ADGRL2: variants seen among roughly 807,000 people sequenced by gnomAD.
The protein encoded by ADGRL2 is adhesion G protein-coupled receptor L2.
ADGRL2 carries 44 observed loss-of-function variants against 157.4 expected under a neutral mutation model. That is an observed-to-expected ratio of 0.28 (90% CI 0.22 to 0.36). ADGRL2 has a LOEUF of 0.36. Ranked by LOEUF, ADGRL2 falls within the 10% of genes least tolerant of loss-of-function variation. The pLI, the probability that ADGRL2 is intolerant of heterozygous loss-of-function variation, is 1.00. For synonymous variants in ADGRL2, 585 were observed against 624.7 expected (o/e 0.94, Z 0.95); for missense variants, 1,510 against 1,768.9 (o/e 0.85, Z 2.63).
At chr1:81,508,448 C>T (rs78957722) in intron 2 of ADGRL2, among the ~76,000 whole-genome samples, 1 of 152,182 alleles carries the variant, frequency 6.6e-6, no homozygotes, top group Non-Finnish European at 1.5e-5. Flanking sequence ...TATGGGTTCG[C>T]CAGTGTGCTC....
chr1:81,496,842 G>A (rs998768668), intron 2 of ADGRL2, among the ~76,000 whole-genome samples: 1 of 151,960 alleles, frequency 6.6e-6, no homozygotes, highest in Admixed American at 6.6e-5. Context: ...TAAATATAAT[G>A]AACTTTCAAA....
At chr1:81,311,450 A>G (rs111823502) in intron 1 of ADGRL2, among the ~76,000 whole-genome samples, 1 of 152,116 alleles carries the variant, frequency 6.6e-6, no homozygotes, top group Non-Finnish European at 1.5e-5. Context: ...TTGTATTCCC[A>G]GTAGTTTGTA....
At chr1:81,629,596 A>G (rs1479481065) in intron 3 of ADGRL2, among the ~76,000 whole-genome samples, 1 of 152,176 alleles carries the variant, frequency 6.6e-6, no homozygotes, top group Non-Finnish European at 1.5e-5. Flanking sequence ...TTTCCTTATC[A>G]AATAGAATAG....
chr1:81,331,405 T>C (rs1458959195), intron 1 of ADGRL2, among the ~76,000 whole-genome samples: 3 of 152,108 alleles, frequency 2.0e-5, no homozygotes, highest in Non-Finnish European at 4.4e-5. Context: ...TTTGGGACCA[T>C]GGCATCCAGG....
intron 2 of ADGRL2, among the ~76,000 whole-genome samples, chr1:81,887,930 A>T (rs1188001754): frequency 6.6e-6 from 1 of 152,200 alleles, no homozygotes; most frequent in East Asian, 1.9e-4. Flanking sequence ...AAAGATGAGT[A>T]TGATTTCATT....
chr1:81,776,798 A>C (rs1235261695), intron 2 of ADGRL2, among the ~76,000 whole-genome samples: 1 of 152,216 alleles, frequency 6.6e-6, no homozygotes, highest in African/African-American at 2.4e-5. Context: ...CTCCAATTCA[A>C]GCATTATCAC....
At chr1:81,696,782 T>C (rs2083455761), upstream of ADGRL2, among the ~76,000 whole-genome samples, 1 of 151,654 alleles carries the variant, frequency 6.6e-6, no homozygotes, top group Admixed American at 6.6e-5. Context: ...AAACAAAAAA[T>C]AGAGAGGAGT....
intron 3 of ADGRL2, among the ~76,000 whole-genome samples, chr1:81,608,301 A>G (rs953987926): frequency 6.6e-6 from 1 of 152,148 alleles, no homozygotes; most frequent in African/African-American, 2.4e-5. Context: ...ACCCAGCTGC[A>G]GATGCTCTCC....
intron 1 of ADGRL2, among the ~76,000 whole-genome samples, chr1:81,831,657 G>A (rs995837656): frequency 6.6e-6 from 1 of 152,040 alleles, no homozygotes; most frequent in African/African-American, 2.4e-5. Flanking sequence ...GCATGGAAGA[G>A]TAAGCACACT....
At chr1:81,915,624 T>C (rs760984564) in intron 3 of ADGRL2, among the ~76,000 whole-genome samples, 12 of 152,208 alleles carry the variant, frequency 7.9e-5, no homozygotes, top group Non-Finnish European at 1.8e-4. Context: ...AAAGATACTT[T>C]AAAAGTTTGA....
intron 2 of ADGRL2, among the ~76,000 whole-genome samples, chr1:81,560,485 G>A (rs940860331): frequency 3.3e-5 from 5 of 152,274 alleles, no homozygotes; most frequent in East Asian, 1.9e-4. Context: ...CACAGTCAGC[G>A]TCCAATAGGC....
intron 2 of ADGRL2, among the ~76,000 whole-genome samples, chr1:81,549,022 C>A (rs2080083812): frequency 6.6e-6 from 1 of 152,208 alleles, no homozygotes; most frequent in Admixed American, 6.5e-5. Context: ...TTGCTTTAGG[C>A]AACTTTCAAG....
At chr1:81,724,641 T>A (rs1197424804) in intron 1 of ADGRL2, among the ~76,000 whole-genome samples, 1 of 152,234 alleles carries the variant, frequency 6.6e-6, no homozygotes, top group Non-Finnish European at 1.5e-5. Context: ...CTGACATTGC[T>A]ATGTTTCTAA....
chr1:81,908,408 A>G (rs2094632865), intron 3 of ADGRL2, among the ~76,000 whole-genome samples: 8 of 152,082 alleles, frequency 5.3e-5, no homozygotes, highest in South Asian at 2.1e-4. Context: ...CATTTCCTCC[A>G]TATCTTTTGT....
intron 3 of ADGRL2, among the ~76,000 whole-genome samples, chr1:81,669,888 A>G (rs1160584022): frequency 6.8e-6 from 1 of 147,396 alleles, no homozygotes; most frequent in African/African-American, 2.5e-5. Context: ...GCTTGCAGTG[A>G]GTCGAGATCA....
chr1:81,854,334 A>G lies in ADGRL2; in HGVS notation c.73+17277A>G, dbSNP rs1171030011. 2.0e-5 allele frequency among the ~76,000 whole-genome samples: 3 copies of G among 152,100 alleles called. No homozygotes were observed. The East Asian group carries it at 5.8e-4, about 29-fold the overall frequency. On this transcript the variant is annotated intron_variant, in intron 2 of 23. Coordinates refer to ENST00000686636, the MANE Select transcript of ADGRL2 (RefSeq NM_001366006.2). ...ATTGACTTGGTCTCTGTTTTCTTTC[A>G]CTGACATACCCTGTAGTGAAATTAC...
chr1:81,689,257 A>G (rs879683307), intron 3 of ADGRL2, among the ~76,000 whole-genome samples: 12 of 152,210 alleles, frequency 7.9e-5, no homozygotes, highest in Admixed American at 7.9e-4. Context: ...AGGATATCGT[A>G]AATCTTTCCC....
At chr1:81,690,174 T>A (rs1362796065) in intron 3 of ADGRL2, among the ~76,000 whole-genome samples, 1 of 152,204 alleles carries the variant, frequency 6.6e-6, no homozygotes, top group Non-Finnish European at 1.5e-5. Flanking sequence ...TTCCCAGTAC[T>A]ATTTGTTCTT....
chr1:81,557,457 A>G (rs1187096782), intron 2 of ADGRL2: 3 of 47,782 alleles, frequency 6.3e-5, no homozygotes, highest in African/African-American at 2.3e-4. Flanking sequence ...GAGAGAAAGA[A>G]AGAAAGAAAG....
Sources: gnomAD v4.1 joint callset for allele counts (sites outside exome capture counted in the v4.1 genomes callset) on GRCh38, gnomAD v4.1.1 for gene constraint, MANE v1.5 for transcripts, NCBI Gene and HGNC (gene_info 2026-07-23, HGNC 2026-07-21) for gene names.